Variants in CREM observed in about 807,000 individuals in gnomAD.
CREM encodes cAMP-responsive element modulator.
Under a neutral mutation model 37.3 loss-of-function variants are expected in CREM, and 13 were observed. The ratio of observed to expected loss-of-function variants is 0.35; its 90% CI spans 0.23 to 0.55. The LOEUF is 0.55. Ranked by LOEUF, CREM falls within the 20% of genes least tolerant of loss-of-function variation. CREM has a pLI of 0.88. For missense variants in CREM, 296 were observed against 362.3 expected (o/e 0.82, Z 1.49); for synonymous variants, 124 against 120.2 (o/e 1.03, Z -0.21).
chr10:35,191,435 CTTTTTTTCTT>C (rs2094914223), intron 6 of CREM, among the ~76,000 whole-genome samples: 1 of 151,714 alleles, frequency 6.6e-6, no homozygotes, highest in Admixed American at 6.6e-5. Context: ...TTCTTTTTCT[CTTTTTTTCTT>C]TTCCTTAAAT....
At position 35,188,305 on chromosome 10, in the gene CREM, G is replaced by A. The variant is rs199612996; in HGVS notation, c.515G>A (p.Gly172Asp). Reference sequence around the variant, plus strand: ...ACAAATTCAGGAGCTCCTCCACCAGGTGCTACAATTGTACAGTACGCAGCA... The same window carrying A: ...ACAAATTCAGGAGCTCCTCCACCAGATGCTACAATTGTACAGTACGCAGCA... The part of the protein sequence containing the change: ...TMTNSGAPPP[G>D]ATIVQYAAQS... Residue 172 changes from glycine to aspartate, a missense_variant, in exon 6 of 8, where the codon GGT (glycine) becomes GAT (aspartate). This residue lies in a region of CREM where 257 missense variants were observed against 280.2 expected (regional missense o/e 0.92). Transcript: ENST00000685392. 27 of 1,614,136 alleles carry A rather than the reference G, an allele frequency of 1.7e-5. No homozygotes were observed. The highest frequency in any genetic ancestry group is 2.2e-5 in the East Asian group (1 of 44,876).
At chr10:35,199,576 G>A (rs535351631) in intron 6 of CREM, among the ~76,000 whole-genome samples, 36 of 152,306 alleles carry the variant, frequency 2.4e-4, no homozygotes, top group African/African-American at 7.9e-4. Context: ...AAGGGATCAG[G>A]TAGGCCTCAC....
chr10:35,182,925 A>G (rs2094412403), intron 5 of CREM, among the ~76,000 whole-genome samples: 1 of 152,240 alleles, frequency 6.6e-6, no homozygotes, highest in South Asian at 2.1e-4. Flanking sequence ...AGAATTAACA[A>G]AGAATGTTAC....
intron 3 of CREM, among the ~76,000 whole-genome samples, chr10:35,155,301 A>T (rs1175409318): frequency 1.3e-5 from 2 of 152,184 alleles, no homozygotes; most frequent in African/African-American, 2.4e-5. Flanking sequence ...GTATAAATAC[A>T]GTTACTCCTT....
chr10:35,202,989 C>A lies in CREM; in HGVS notation c.599-3906C>A, dbSNP rs138428831. On this transcript the variant is annotated intron_variant, in intron 6 of 7. Transcript: ENST00000685392. ...GGTGGTTGTTGCTTCTGGAAACAGG[C>A]AAGAGTTGTTTGGAAGCATTTCTGA... Among the ~76,000 whole-genome samples, 347 of 152,154 alleles carry A rather than the reference C, an allele frequency of 2.3e-3. 2 individuals carry two copies. The highest frequency in any genetic ancestry group is 8.0e-3 in the African/African-American group (333 of 41,502).
chr10:35,163,067 A>G (rs1161535329), intron 3 of CREM, among the ~76,000 whole-genome samples: 1 of 151,620 alleles, frequency 6.6e-6, no homozygotes, highest in Non-Finnish European at 1.5e-5. Flanking sequence ...TTAGCCAGGC[A>G]TGGTGGCACT....
At chr10:35,202,691 A>C (rs1425430952) in intron 6 of CREM, among the ~76,000 whole-genome samples, 1 of 152,232 alleles carries the variant, frequency 6.6e-6, no homozygotes, top group African/African-American at 2.4e-5. Context: ...ACAAATTCCT[A>C]CTAATTTATA....
At chr10:35,130,680 G>T (rs551560851) in intron 1 of CREM, among the ~76,000 whole-genome samples, 1 of 152,312 alleles carries the variant, frequency 6.6e-6, no homozygotes, top group East Asian at 1.9e-4. Context: ...ATTCCACTGT[G>T]TTCTAATCGT....
chr10:35,180,804 C>T (rs933790209), intron 5 of CREM, among the ~76,000 whole-genome samples: 6 of 152,164 alleles, frequency 3.9e-5, no homozygotes, highest in South Asian at 2.1e-4. Context: ...CTGAGTGCCT[C>T]GTCCCCCCGT....
chr10:35,150,268 G>A (rs2092498338), intron 3 of CREM, among the ~76,000 whole-genome samples: 1 of 151,908 alleles, frequency 6.6e-6, no homozygotes, highest in African/African-American at 2.4e-5. Context: ...TGCTGAAGCA[G>A]TCCTTGCACC....
At chr10:35,148,545 GGTGC>G in intron 3 of CREM, 54 bp downstream of exon 3, 1 of 1,560,614 alleles carries the variant, frequency 6.4e-7, no homozygotes, top group South Asian at 1.2e-5. Context: ...ATGAGAATTA[GGTGC>G]AGATTCTGTT....
intron 2 of CREM, among the ~76,000 whole-genome samples, chr10:35,141,322 G>A (rs1342806925): frequency 6.6e-6 from 1 of 152,194 alleles, no homozygotes; most frequent in African/African-American, 2.4e-5. Context: ...TTTAAGCAAA[G>A]AAGTATTTTA....
At chr10:35,186,706 T>G (rs1182894506) in intron 5 of CREM, among the ~76,000 whole-genome samples, 3 of 137,862 alleles carry the variant, frequency 2.2e-5, no homozygotes, top group Non-Finnish European at 3.1e-5. Context: ...TTTGGTCATA[T>G]ATACAACATA....
intron 3 of CREM, among the ~76,000 whole-genome samples, chr10:35,176,508 C>T (rs543783909): frequency 7.3e-5 from 11 of 151,120 alleles, no homozygotes; most frequent in East Asian, 3.9e-4. Context: ...CCCGGGTTCA[C>T]GCCATTCTCC....
chr10:35,194,757 A>T lies in CREM; in HGVS notation c.598+6369A>T, dbSNP rs542970723. Among the ~76,000 whole-genome samples, 16 of 148,632 alleles carry T rather than the reference A, an allele frequency of 1.1e-4. 1 individual carries two copies. Among genetic ancestry groups the T allele is most frequent in the Admixed American group, 9.4e-4 (14 of 14,946 alleles). On this transcript the variant is annotated intron_variant, in intron 6 of 7. Transcript: ENST00000685392. ...AGTCAATGTGTTTTTTTTTTTTTTA[A>T]ATCTCCAAGTGTTTTTTCTCTTATG...
intron 3 of CREM, among the ~76,000 whole-genome samples, chr10:35,165,445 T>A (rs1564853253): frequency 6.6e-6 from 1 of 152,204 alleles, no homozygotes; most frequent in Non-Finnish European, 1.5e-5. Context: ...CCAAACTGTA[T>A]CACGTTTTGT....
intron 2 of CREM, among the ~76,000 whole-genome samples, chr10:35,146,504 A>G (rs1008520032): frequency 1.5e-4 from 23 of 152,166 alleles, no homozygotes; most frequent in Non-Finnish European, 2.8e-4. Flanking sequence ...CTGCAGAACT[A>G]ATGTCCTGAG....
chr10:35,207,999 A>G (rs1011914132), intron 7 of CREM, among the ~76,000 whole-genome samples: 11 of 152,234 alleles, frequency 7.2e-5, no homozygotes, highest in Non-Finnish European at 1.5e-4. Flanking sequence ...GTTAGAAACA[A>G]AGAGCTATTT....
chr10:35,175,445 C>CA (rs200497568), intron 3 of CREM: 9,953 of 398,126 alleles, frequency 0.025, 228 homozygotes, highest in African/African-American at 0.11. Flanking sequence ...GACTCCGTCT[C>CA]AAAAAAAAAA....
Sources: gnomAD v4.1 joint callset for allele counts (sites outside exome capture counted in the v4.1 genomes callset) on GRCh38, gnomAD v4.1.1 for gene constraint, gnomAD v4.1.1 regional missense constraint, MANE v1.5 for transcripts, NCBI Gene and HGNC (gene_info 2026-07-23, HGNC 2026-07-21) for gene names.